NAALADL2: variants seen among roughly 807,000 people sequenced by gnomAD.
The protein encoded by NAALADL2 is N-acetylated alpha-linked acidic dipeptidase like 2.
NAALADL2 carries 76 observed loss-of-function variants against 87.2 expected under a neutral mutation model. The ratio of observed to expected loss-of-function variants is 0.87; its 90% CI spans 0.72 to 1.05. The LOEUF (loss-of-function observed/expected upper bound fraction) is 1.05, where lower values mean the gene tolerates loss of function less well. NAALADL2 is among the 50% of genes least tolerant of loss of function. The pLI is 0.00. For synonymous variants in NAALADL2, 354 were observed against 331.0 expected, an observed-to-expected ratio of 1.07 and a Z score of -0.75; for missense variants, 1,089 against 945.8, an observed-to-expected ratio of 1.15 and a Z score of -1.99.
In NAALADL2 at chr3:175,808,756, AATT is replaced by A. The variant is rs1485793248; in HGVS notation, c.*5559_*5561del. 2.0e-5 allele frequency: 3 copies of A among 152,052 alleles called. No homozygotes were observed. Among genetic ancestry groups the A allele is most frequent in the East Asian group, 1.9e-4 (1 of 5,192 alleles). 9.4% of individuals were successfully genotyped at this position (152,052 alleles called of 1,614,324 possible). A position where few individuals can be genotyped will look rare whatever the true frequency, so the allele number is the denominator to read the frequency against. On this transcript the variant is annotated 3_prime_UTR_variant, in exon 14 of 14. Coordinates refer to ENST00000454872, the MANE Select transcript of NAALADL2 (RefSeq NM_207015.3). ...AGATTAATATACAATCATTATTATG[AATT>A]ATTATGTTGCATTGAAGTTAATGTC... is the stretch of plus-strand genomic sequence containing the variant.
chr3:175,581,412 A>G (rs1719756574), intron 10 of NAALADL2, among the ~76,000 whole-genome samples: 1 of 152,232 alleles, frequency 6.6e-6, no homozygotes, highest in Non-Finnish European at 1.5e-5. Context: ...ACTGCACTCC[A>G]GCCTGGGGGA....
intron 3 of NAALADL2, among the ~76,000 whole-genome samples, chr3:174,744,807 A>C (rs1734094775): frequency 6.6e-6 from 1 of 152,102 alleles, no homozygotes; most frequent in Non-Finnish European, 1.5e-5. Context: ...TCAAAACCAG[A>C]CAACTATATG....
intron 3 of NAALADL2, among the ~76,000 whole-genome samples, chr3:175,253,761 G>C (rs1461754795): frequency 1.3e-5 from 2 of 152,090 alleles, no homozygotes; most frequent in Non-Finnish European, 2.9e-5. Flanking sequence ...GAAAGAAATT[G>C]GTTTCAACCC....
intron 11 of NAALADL2, among the ~76,000 whole-genome samples, chr3:175,677,478 G>GGT (rs144329998): frequency 0.55 from 76,566 of 139,994 alleles, 21,989 homozygotes; most frequent in Non-Finnish European, 0.66. Flanking sequence ...AGTATAATGG[G>GGT]GTGTGTGTGT....
intron 11 of NAALADL2, among the ~76,000 whole-genome samples, chr3:175,671,084 G>T (rs767654535): frequency 1.3e-4 from 19 of 151,490 alleles, no homozygotes; most frequent in Admixed American, 9.2e-4. Flanking sequence ...TCTCTCAAAG[G>T]ATACATTATT....
chr3:174,959,203 A>G (rs1485069763), intron 1 of NAALADL2, among the ~76,000 whole-genome samples: 1 of 152,050 alleles, frequency 6.6e-6, no homozygotes, highest in Non-Finnish European at 1.5e-5. Context: ...TTGCGGTAGC[A>G]TATGTTTGTT....
chr3:175,721,227 T>C (rs969150969), intron 11 of NAALADL2, among the ~76,000 whole-genome samples: 2 of 151,594 alleles, frequency 1.3e-5, no homozygotes, highest in East Asian at 3.9e-4. Context: ...AAACGAAAAG[T>C]AAAAATAGAA....
chr3:174,714,858 G>A (rs1392377803), intron 2 of NAALADL2, among the ~76,000 whole-genome samples: 2 of 152,136 alleles, frequency 1.3e-5, no homozygotes, highest in South Asian at 2.1e-4. Context: ...TTGAGAGAGG[G>A]CATCCCTGTC....
chr3:175,172,254 A>G (rs1734949926), intron 2 of NAALADL2, among the ~76,000 whole-genome samples: 2 of 139,242 alleles, frequency 1.4e-5, no homozygotes, highest in South Asian at 4.8e-4. Flanking sequence ...GAAGATATGT[A>G]TCTTCATATA....
At chr3:174,694,477 C>T (rs1728850718) in intron 2 of NAALADL2, among the ~76,000 whole-genome samples, 1 of 151,904 alleles carries the variant, frequency 6.6e-6, no homozygotes, top group African/African-American at 2.4e-5. Flanking sequence ...TATTTCTTTT[C>T]CTAATACCTG....
chr3:175,662,545 G>A (rs1209312800), intron 11 of NAALADL2, among the ~76,000 whole-genome samples: 2 of 152,080 alleles, frequency 1.3e-5, no homozygotes, highest in East Asian at 3.9e-4. Context: ...AGCGGTGAAA[G>A]TGAACATCCT....
intron 9 of NAALADL2, among the ~76,000 whole-genome samples, chr3:175,510,248 G>A (rs1436070585): frequency 6.6e-6 from 1 of 152,004 alleles, no homozygotes; most frequent in Non-Finnish European, 1.5e-5. Context: ...CTCACTGTAT[G>A]GGGGAAACTG....
intron 2 of NAALADL2, among the ~76,000 whole-genome samples, chr3:174,614,700 T>A (rs57686331): frequency 6.6e-6 from 1 of 152,174 alleles, no homozygotes; most frequent in African/African-American, 2.4e-5. Context: ...AAGGTATTTT[T>A]AAAAAATTTT....
intron 2 of NAALADL2, among the ~76,000 whole-genome samples, chr3:174,695,277 C>T (rs1392723750): frequency 1.3e-5 from 2 of 151,896 alleles, no homozygotes; most frequent in Non-Finnish European, 2.9e-5. Flanking sequence ...ATTTTAATTT[C>T]ATTATACTTA....
intron 3 of NAALADL2, among the ~76,000 whole-genome samples, chr3:174,744,159 G>C (rs1734027838): frequency 6.6e-6 from 1 of 151,890 alleles, no homozygotes; most frequent in South Asian, 2.1e-4. Flanking sequence ...ATGATAAAGA[G>C]AGATTAAGGT....
chr3:175,549,093 G>T (rs1222955752), intron 9 of NAALADL2, among the ~76,000 whole-genome samples: 1 of 151,894 alleles, frequency 6.6e-6, no homozygotes, highest in Non-Finnish European at 1.5e-5. Context: ...TTATAGTATA[G>T]TTGAAAGTGA....
intron 2 of NAALADL2, among the ~76,000 whole-genome samples, chr3:174,717,302 A>C (rs528128094): frequency 7.2e-5 from 11 of 152,246 alleles, no homozygotes; most frequent in Non-Finnish European, 1.6e-4. Context: ...TGAAGGAAGT[A>C]ATTAATTCAG....
chr3:174,986,079 T>A (rs751807057), intron 1 of NAALADL2, among the ~76,000 whole-genome samples: 1 of 151,974 alleles, frequency 6.6e-6, no homozygotes, highest in Non-Finnish European at 1.5e-5. Flanking sequence ...TAAGTCCTTT[T>A]TAGGCAATAA....
intron 9 of NAALADL2, among the ~76,000 whole-genome samples, chr3:175,507,145 T>C (rs1003137902): frequency 6.6e-6 from 1 of 152,066 alleles, no homozygotes; most frequent in African/African-American, 2.4e-5. Flanking sequence ...TAATAAACCT[T>C]TCTTTCAACG....
Sources: allele counts gnomAD v4.1 joint callset (sites outside exome capture counted in the v4.1 genomes callset), GRCh38; gene constraint gnomAD v4.1.1; transcripts MANE v1.5; gene names NCBI Gene and HGNC (gene_info 2026-07-23, HGNC 2026-07-21).